The following MYRIP variants were observed in gnomAD, a reference collection of about 807,000 sequenced individuals.
MYRIP encodes the protein rab effector MyRIP.
Under a neutral mutation model 98.0 loss-of-function variants are expected in MYRIP, and 49 were observed. That is an observed-to-expected ratio of 0.50 (90% CI 0.40 to 0.63). The LOEUF is 0.63. MYRIP is among the 30% of genes least tolerant of loss of function. The pLI is 0.00. For missense variants in MYRIP, 1,004 were observed against 1,058.2 expected, an observed-to-expected ratio of 0.95 and a Z score of 0.71; for synonymous variants, 404 against 409.5, an observed-to-expected ratio of 0.99 and a Z score of 0.16.
intron 1 of MYRIP, among the ~76,000 whole-genome samples, chr3:39,828,582 G>C (rs1229821295): frequency 6.6e-6 from 1 of 152,096 alleles, no homozygotes; most frequent in African/African-American, 2.4e-5. Flanking sequence ...CCCATCACCT[G>C]AGCAGTATAC....
intron 1 of MYRIP, among the ~76,000 whole-genome samples, chr3:39,831,341 C>T (rs1468002345): frequency 6.6e-6 from 1 of 152,166 alleles, no homozygotes; most frequent in African/African-American, 2.4e-5. Flanking sequence ...ACATCTCCCC[C>T]TGGATGTGCA....
chr3:40,030,589 T>C (rs532473447), intron 2 of MYRIP, among the ~76,000 whole-genome samples: 1 of 152,292 alleles, frequency 6.6e-6, no homozygotes. Context: ...ATGTTTATGG[T>C]GAATGAATGG....
intron 2 of MYRIP, among the ~76,000 whole-genome samples, chr3:39,968,630 G>A (rs7428559): frequency 0.28 from 41,835 of 151,974 alleles, 6,427 homozygotes; most frequent in Non-Finnish European, 0.35. Flanking sequence ...AGATCAGATG[G>A]TCATAGGTGT....
intron 15 of MYRIP, 59 bp downstream of exon 15, chr3:40,250,558 G>A (rs1016775609): frequency 3.8e-6 from 6 of 1,575,346 alleles, no homozygotes; most frequent in Admixed American, 1.7e-5. Context: ...ATTTACTTTG[G>A]GTAACAAAGA....
intron 3 of MYRIP, among the ~76,000 whole-genome samples, chr3:40,111,808 T>A (rs551344690): frequency 1.3e-5 from 2 of 152,324 alleles, no homozygotes; most frequent in South Asian, 4.1e-4. Context: ...GAGTAATTAC[T>A]GTGCTAAGAA....
At chr3:40,075,410 A>G (rs1455021263) in intron 3 of MYRIP, among the ~76,000 whole-genome samples, 2 of 152,228 alleles carry the variant, frequency 1.3e-5, no homozygotes, top group African/African-American at 4.8e-5. Context: ...GAAGTACTGA[A>G]GTAGATCCAC....
At chr3:39,970,630 G>A (rs1012946398) in intron 2 of MYRIP, among the ~76,000 whole-genome samples, 1 of 152,072 alleles carries the variant, frequency 6.6e-6, no homozygotes, top group Non-Finnish European at 1.5e-5. Context: ...CCTACCTCAT[G>A]GTGGAGAATT....
At chr3:40,078,958 C>G (rs6790823) in intron 3 of MYRIP, among the ~76,000 whole-genome samples, 126,115 of 152,186 alleles carry the variant, frequency 0.83, 52,229 homozygotes, top group Admixed American at 0.87. Context: ...GACCCTCTTC[C>G]TTCTCCAGTT....
At chr3:40,073,049 T>A (rs1948264686) in intron 3 of MYRIP, among the ~76,000 whole-genome samples, 1 of 152,204 alleles carries the variant, frequency 6.6e-6, no homozygotes, top group African/African-American at 2.4e-5. Context: ...CATTTGGCAT[T>A]TTGATAGAAC....
chr3:39,843,236 C>T (rs948562577), intron 1 of MYRIP, among the ~76,000 whole-genome samples: 1 of 152,100 alleles, frequency 6.6e-6, no homozygotes, highest in Non-Finnish European at 1.5e-5. Flanking sequence ...TGAATATAGT[C>T]ACAGTTTGAA....
At chr3:40,250,143 T>A in intron 13 of MYRIP, 79 bp from the exon 14 acceptor site, 1 of 1,211,632 alleles carries the variant, frequency 8.3e-7, no homozygotes, top group Admixed American at 1.9e-5. Context: ...TTTGTCTTTA[T>A]AAATTCTTAA....
At chr3:40,198,834 C>A in intron 10 of MYRIP, among the ~76,000 whole-genome samples, 1 of 152,142 alleles carries the variant, frequency 6.6e-6, no homozygotes, top group East Asian at 1.9e-4. Flanking sequence ...TTATAACTAA[C>A]CATCTGTAAA....
chr3:40,204,791 T>A (rs1486112729), intron 10 of MYRIP, among the ~76,000 whole-genome samples: 1 of 152,050 alleles, frequency 6.6e-6, no homozygotes, highest in Non-Finnish European at 1.5e-5. Context: ...GTCCTCTGGG[T>A]CCTTGCAGGA....
chr3:39,857,179 C>A (rs1283765966), intron 1 of MYRIP, among the ~76,000 whole-genome samples: 2 of 150,902 alleles, frequency 1.3e-5, no homozygotes, highest in African/African-American at 4.9e-5. Flanking sequence ...TGCTACTGCA[C>A]TCCAGCCTGA....
intron 10 of MYRIP, among the ~76,000 whole-genome samples, chr3:40,205,071 G>A (rs1353624768): frequency 1.3e-5 from 2 of 152,090 alleles, no homozygotes; most frequent in African/African-American, 2.4e-5. Context: ...CAGGTGCCAG[G>A]AAGGACCCTG....
At chr3:40,135,948 A>G (rs1450895202) in intron 3 of MYRIP, among the ~76,000 whole-genome samples, 1 of 152,254 alleles carries the variant, frequency 6.6e-6, no homozygotes, top group Non-Finnish European at 1.5e-5. Flanking sequence ...TGTAAAGAAC[A>G]TCAAGGCTAG....
chr3:39,867,820 T>C (rs1942670055), intron 1 of MYRIP, among the ~76,000 whole-genome samples: 2 of 152,138 alleles, frequency 1.3e-5, no homozygotes. Context: ...AGAAACAACA[T>C]CATTATTTCA....
chr3:39,828,296 AT>A (rs1034047921), intron 1 of MYRIP, among the ~76,000 whole-genome samples: 3 of 150,724 alleles, frequency 2.0e-5, no homozygotes, highest in Non-Finnish European at 3.0e-5. Flanking sequence ...TTTCTCTCTC[AT>A]TTTTTTGTCT....
At chr3:39,885,946 C>A (rs1943289006) in intron 1 of MYRIP, among the ~76,000 whole-genome samples, 1 of 151,896 alleles carries the variant, frequency 6.6e-6, no homozygotes, top group Non-Finnish European at 1.5e-5. Context: ...GTTTGAATGT[C>A]CTCCCGTAGC....
Sources: gnomAD v4.1 joint callset for allele counts (sites outside exome capture counted in the v4.1 genomes callset) on GRCh38, gnomAD v4.1.1 for gene constraint, MANE v1.5 for transcripts, NCBI Gene and HGNC (gene_info 2026-07-23, HGNC 2026-07-21) for gene names.